Variants in ROBO1 observed in about 807,000 individuals in gnomAD.
ROBO1 encodes roundabout guidance receptor 1, also known as roundabout homolog 1.
Under a neutral mutation model 195.9 loss-of-function variants are expected in ROBO1, and 149 were observed. That is an observed-to-expected ratio of 0.76 (90% confidence interval 0.67 to 0.87). ROBO1 has a LOEUF of 0.87. ROBO1 is among the 40% of genes least tolerant of loss of function. The pLI, the probability that ROBO1 is intolerant of heterozygous loss-of-function variation, is 0.00. For missense variants in ROBO1, 1,933 were observed against 2,068.3 expected, an observed-to-expected ratio of 0.93 and a Z score of 1.27; for synonymous variants, 816 against 733.2, an observed-to-expected ratio of 1.11 and a Z score of -1.82.
intron 4 of ROBO1, among the ~76,000 whole-genome samples, chr3:78,851,309 C>T (rs2106866809): frequency 6.6e-6 from 1 of 152,298 alleles, no homozygotes; most frequent in African/African-American, 2.4e-5. Context: ...TTGCTCTTAA[C>T]TAGACCTCTT....
chr3:79,268,924 A>T (rs2030254248), intron 2 of ROBO1, among the ~76,000 whole-genome samples: 1 of 151,724 alleles, frequency 6.6e-6, no homozygotes. Context: ...CATTCTATAT[A>T]TTTAAAATAT....
chr3:79,370,928 C>T (rs147151883), intron 2 of ROBO1, among the ~76,000 whole-genome samples: 6,246 of 151,824 alleles, frequency 0.041, 334 homozygotes, highest in African/African-American at 0.12. Flanking sequence ...TGAGTGAGAA[C>T]ATGTGGTGTT....
At chr3:78,979,669 T>C (rs1174099243) in intron 3 of ROBO1, among the ~76,000 whole-genome samples, 3 of 152,252 alleles carry the variant, frequency 2.0e-5, no homozygotes, top group South Asian at 2.1e-4. Flanking sequence ...AAAACAACAC[T>C]ATGTTCATTG....
intron 5 of ROBO1, among the ~76,000 whole-genome samples, chr3:78,739,772 C>T (rs1184654256): frequency 9.2e-5 from 14 of 152,090 alleles, no homozygotes; most frequent in Non-Finnish European, 2.1e-4. Flanking sequence ...ACATGCCAAA[C>T]CCCGGTTTCA....
At chr3:79,334,313 T>A (rs6801445) in intron 2 of ROBO1, among the ~76,000 whole-genome samples, 16,714 of 93,258 alleles carry the variant, frequency 0.18, 1,050 homozygotes, top group African/African-American at 0.2. Context: ...AAAAAAAAAA[T>A]ATATATATAT....
At chr3:79,679,826 A>G (rs1236676431) in intron 1 of ROBO1, among the ~76,000 whole-genome samples, 1 of 151,976 alleles carries the variant, frequency 6.6e-6, no homozygotes, top group Non-Finnish European at 1.5e-5. Flanking sequence ...CACATAGACT[A>G]CAGGCTTTAT....
At chr3:78,962,522 T>A (rs1369592962) in intron 3 of ROBO1, among the ~76,000 whole-genome samples, 2 of 150,858 alleles carry the variant, frequency 1.3e-5, no homozygotes, top group Non-Finnish European at 3.0e-5. Flanking sequence ...TCCTCCGCCT[T>A]GTCATTTTAA....
chr3:79,093,545 T>G (rs1350793579), intron 3 of ROBO1, among the ~76,000 whole-genome samples: 1 of 152,032 alleles, frequency 6.6e-6, no homozygotes, highest in Non-Finnish European at 1.5e-5. Context: ...TTATCATTAT[T>G]TAAAAAAATT....
At position 78,608,590 on chromosome 3, in the gene ROBO1, G is replaced by A. The variant is rs723767; in HGVS notation, c.4436-1549C>T. 3.5e-3 allele frequency among the ~76,000 whole-genome samples: 537 copies of A among 152,084 alleles called. 2 individuals carry two copies. Among genetic ancestry groups the A allele is most frequent in the Admixed American group, 5.5e-3 (84 of 15,272 alleles). On this transcript the variant is annotated intron_variant, in intron 28 of 30. Transcript: ENST00000464233. Reference sequence around the variant, plus strand: ...AGAATAAGAGTAGATACTAAGTTTCGGTTATTCCGGCTGCAGTATGGGGAA... The same window carrying A: ...AGAATAAGAGTAGATACTAAGTTTCAGTTATTCCGGCTGCAGTATGGGGAA...
At chr3:79,173,614 T>C (rs1220613445) in intron 2 of ROBO1, among the ~76,000 whole-genome samples, 5 of 151,994 alleles carry the variant, frequency 3.3e-5, no homozygotes, top group Non-Finnish European at 7.4e-5. Context: ...CCCCACTCCA[T>C]GGGCTCCGGC....
At chr3:79,392,780 A>C (rs2037001721) in intron 2 of ROBO1, among the ~76,000 whole-genome samples, 1 of 152,216 alleles carries the variant, frequency 6.6e-6, no homozygotes, top group Admixed American at 6.5e-5. Flanking sequence ...AACAATGAAC[A>C]TCCTAAGAAA....
intron 5 of ROBO1, among the ~76,000 whole-genome samples, chr3:78,726,806 C>G (rs1009986469): frequency 5.3e-5 from 8 of 152,094 alleles, no homozygotes; most frequent in African/African-American, 1.9e-4. Context: ...TAGATGATCC[C>G]TAAGGACTCC....
chr3:79,489,039 T>A (rs1026017630), intron 2 of ROBO1, among the ~76,000 whole-genome samples: 5 of 151,740 alleles, frequency 3.3e-5, no homozygotes, highest in African/African-American at 1.2e-4. Flanking sequence ...TTTAGATGGG[T>A]CATTTAAAAT....
At chr3:79,166,407 G>C (rs2081064328) in intron 2 of ROBO1, among the ~76,000 whole-genome samples, 1 of 151,878 alleles carries the variant, frequency 6.6e-6, no homozygotes, top group East Asian at 1.9e-4. Flanking sequence ...TTTTATTCTT[G>C]TAGAATTATC....
At chr3:79,088,224 A>C (rs1014878048) in intron 3 of ROBO1, among the ~76,000 whole-genome samples, 7 of 152,102 alleles carry the variant, frequency 4.6e-5, no homozygotes, top group African/African-American at 1.4e-4. Context: ...ATGACTTCTA[A>C]ATTGATTTAG....
chr3:79,181,418 G>A (rs945098716), intron 2 of ROBO1, among the ~76,000 whole-genome samples: 1 of 152,168 alleles, frequency 6.6e-6, no homozygotes, highest in Admixed American at 6.5e-5. Context: ...CCTAAACTTT[G>A]AGACTTGTAC....
intron 3 of ROBO1, among the ~76,000 whole-genome samples, chr3:78,965,838 T>C (rs1372776762): frequency 6.6e-6 from 1 of 152,242 alleles, no homozygotes; most frequent in East Asian, 1.9e-4. Context: ...CTTTCTGCAA[T>C]GATGATGAAA....
At chr3:79,263,528 T>C (rs187019162) in intron 2 of ROBO1, among the ~76,000 whole-genome samples, 2 of 151,976 alleles carry the variant, frequency 1.3e-5, no homozygotes, top group Admixed American at 1.3e-4. Context: ...GTGGCATACA[T>C]AGCTACTCAG....
intron 2 of ROBO1, among the ~76,000 whole-genome samples, chr3:79,509,286 A>G (rs1442630400): frequency 6.6e-6 from 1 of 151,892 alleles, no homozygotes; most frequent in Non-Finnish European, 1.5e-5. Context: ...AGTGCTTAGC[A>G]ATATTTATGG....
Sources: gnomAD v4.1 joint callset for allele counts (sites outside exome capture counted in the v4.1 genomes callset) on GRCh38, gnomAD v4.1.1 for gene constraint, MANE v1.5 for transcripts, NCBI Gene and HGNC (gene_info 2026-07-23, HGNC 2026-07-21) for gene names.